The following CHST1 variants were observed in gnomAD, a reference collection of about 807,000 sequenced individuals.
CHST1 encodes Keratan sulfotransferase.
CHST1 carries 10 observed loss-of-function variants against 22.5 expected under a neutral mutation model. The observed-to-expected ratio is 0.44, with a 90% CI of 0.27 to 0.75. The LOEUF is 0.75. CHST1 is among the 30% of genes least tolerant of loss of function. The pLI is 0.15. For missense variants in CHST1, 439 were observed against 576.1 expected, an observed-to-expected ratio of 0.76 and a Z score of 2.44; for synonymous variants, 267 against 264.5, an observed-to-expected ratio of 1.01 and a Z score of -0.09.
chr11:45,657,572 G>A (rs1021871315), intron 1 of CHST1, among the ~76,000 whole-genome samples: 6 of 152,166 alleles, frequency 3.9e-5, no homozygotes, highest in African/African-American at 9.7e-5. Context: ...CCATGAACTC[G>A]TCCTCAAGAC....
At chr11:45,654,567 T>C (rs1336701050) in intron 1 of CHST1, among the ~76,000 whole-genome samples, 2 of 152,256 alleles carry the variant, frequency 1.3e-5, no homozygotes, top group African/African-American at 4.8e-5. Flanking sequence ...CCAGGTCCTG[T>C]TGTTCCCAAG....
chr11:45,652,631 C>T (rs1012727982), intron 1 of CHST1, 25 bp from the exon 2 acceptor site: 13 of 152,184 alleles, frequency 8.5e-5, no homozygotes, highest in African/African-American at 2.4e-4. Context: ...GAAAGTGGAC[C>T]AGGGAGCATT....
chr11:45,650,450 C>A lies in CHST1; in HGVS notation c.474G>T (p.Arg158=). Residue 158 remains arginine (R), a synonymous_variant, in exon 4 of 4, where the codon CGG becomes CGT. Coordinates refer to ENST00000308064, the MANE Select transcript of CHST1 (RefSeq NM_003654.6). ...TDRIFRRGAS[R]VLCSRPVCDP... is the part of the protein sequence containing the mutation. ...CGCACACAGGCCGGGAGCAGAGGAC[C>A]CGGCTGGCCCCGCGGCGGAAGATCC... is the stretch of plus-strand genomic sequence containing the variant. 1 of 1,611,628 alleles carries A rather than the reference C, an allele frequency of 6.2e-7. No individual in the cohort carries two copies. The highest frequency in any genetic ancestry group is 1.7e-5 in the Admixed American group (1 of 60,012).
Position 45,650,015 on chromosome 11 carries a change from C to T in CHST1, c.909G>A (p.Glu303=). Residue 303 remains glutamate (E), a synonymous_variant, in exon 4 of 4, where the codon GAG becomes GAA. Coordinates refer to ENST00000308064, the MANE Select transcript of CHST1 (RefSeq NM_003654.6). ...TCTTCATAGGGTTCCGAGCCAGGTC[C>T]TCGTAGCGCACCAACATGTACTTGC... is the stretch of plus-strand genomic sequence containing the variant. ...LKGKYMLVRY[E]DLARNPMKKT... The T allele has an allele frequency of 6.2e-7, 1 of 1,614,074 alleles. No individual in the cohort carries two copies. Among genetic ancestry groups the T allele is most frequent in the Non-Finnish European group, 8.5e-7 (1 of 1,180,022 alleles).
intron 3 of CHST1, 21 bp from the exon 4 acceptor site, chr11:45,650,986 CG>C (rs1851991855): frequency 6.7e-7 from 1 of 1,490,256 alleles, no homozygotes; most frequent in Non-Finnish European, 8.9e-7. Context: ...AGGCGGCCAG[CG>C]GTCAGGTGCC....
intron 1 of CHST1, among the ~76,000 whole-genome samples, chr11:45,655,266 T>C (rs1284241755): frequency 6.6e-6 from 1 of 152,214 alleles, no homozygotes; most frequent in Non-Finnish European, 1.5e-5. Context: ...ATTAATATCA[T>C]CATCACCAAA....
In CHST1 at chr11:45,649,787, C is replaced by A; in HGVS notation, c.1137G>T (p.Val379=). 6.2e-7 allele frequency: 1 copy of A among 1,611,936 alleles called. No homozygotes were observed. Reference sequence around the variant, plus strand: ...CGATCTTGTAGCCCAGCTGGGCCAGCACCTGCTGGCAGGCGTTCTGGGCAA... The same window carrying A: ...CGATCTTGTAGCCCAGCTGGGCCAGAACCTGCTGGCAGGCGTTCTGGGCAA... The part of the protein sequence containing the change: ...VAFAQNACQQ[V]LAQLGYKIAA... Residue 379 remains valine (V), a synonymous_variant, in exon 4 of 4, where the codon GTG becomes GTT. Coordinates refer to ENST00000308064, the MANE Select transcript of CHST1 (RefSeq NM_003654.6).
chr11:45,662,727 G>A (rs543983170), intron 1 of CHST1, among the ~76,000 whole-genome samples: 14 of 152,192 alleles, frequency 9.2e-5, no homozygotes, highest in Non-Finnish European at 1.8e-4. Flanking sequence ...TCCATTTACA[G>A]AGGGGAAAAC....
At chr11:45,651,126 G>A (rs557132462) in intron 3 of CHST1, 161 bp from the exon 4 acceptor site, 18 of 461,638 alleles carry the variant, frequency 3.9e-5, no homozygotes, top group African/African-American at 1.2e-4. Context: ...CTAGACTACC[G>A]TTCTCTGGGG....
rs975616886 is a variant in CHST1 at position 45,648,025 on chromosome 11, A to G, written c.*1663T>C. Among the ~76,000 whole-genome samples the G allele has an allele frequency of 5.9e-5, 9 of 152,200 alleles. No individual in the cohort carries two copies. The highest frequency in any genetic ancestry group is 1.2e-4 in the Non-Finnish European group (8 of 68,036). On this transcript the variant is annotated 3_prime_UTR_variant, in exon 4 of 4. Coordinates refer to ENST00000308064, the MANE Select transcript of CHST1 (RefSeq NM_003654.6). ...CCCCAGGGGCAGGTTTTCTTGGAAT[A>G]AGAGCTGGGGAAGCTGCCTGGAGCA...
At chr11:45,659,823 C>G (rs1391222908) in intron 1 of CHST1, among the ~76,000 whole-genome samples, 1 of 152,212 alleles carries the variant, frequency 6.6e-6, no homozygotes, top group East Asian at 1.9e-4. Context: ...TTATTACCAT[C>G]TGGCCTGAAA....
At chr11:45,663,539 G>A (rs973654950) in intron 1 of CHST1, among the ~76,000 whole-genome samples, 3 of 152,198 alleles carry the variant, frequency 2.0e-5, no homozygotes, top group South Asian at 2.1e-4. Context: ...GGGAAAATGC[G>A]TTTCTGCTTT....
intron 1 of CHST1, among the ~76,000 whole-genome samples, chr11:45,653,542 T>C (rs1488241068): frequency 6.6e-6 from 1 of 152,148 alleles, no homozygotes; most frequent in Non-Finnish European, 1.5e-5. Flanking sequence ...CCCCTGCAAG[T>C]GCAGGCCTGC....
At chr11:45,661,138 C>T (rs747642943) in intron 1 of CHST1, among the ~76,000 whole-genome samples, 6 of 152,176 alleles carry the variant, frequency 3.9e-5, no homozygotes, top group South Asian at 4.1e-4. Flanking sequence ...TTTGATACAG[C>T]GCCTCGAGTA....
chr11:45,664,780 T>C (rs1852176493), intron 1 of CHST1, among the ~76,000 whole-genome samples: 1 of 152,096 alleles, frequency 6.6e-6, no homozygotes, highest in South Asian at 2.1e-4. Flanking sequence ...TTTGGAAAGT[T>C]GGTGCGGGCG....
In CHST1 at chr11:45,656,031, G is replaced by T. The variant is rs540878571; in HGVS notation, c.-226-3425C>A. Among the ~76,000 whole-genome samples, 23 of 152,334 alleles carry T rather than the reference G, an allele frequency of 1.5e-4. 1 individual carries two copies. In the South Asian group the frequency reaches 4.8e-3, roughly 32 times the overall value. On this transcript the variant is annotated intron_variant, in intron 1 of 3. Coordinates refer to ENST00000308064, the MANE Select transcript of CHST1 (RefSeq NM_003654.6). ...TCGGCCTGATCTGTGGCAGCGCCAG[G>T]GGGTGGCGGCCCTAGAACCTAGCGG...
intron 3 of CHST1, 70 bp from the exon 4 acceptor site, chr11:45,651,035 C>G (rs113452160): frequency 8.4e-7 from 1 of 1,194,586 alleles, no homozygotes; most frequent in Non-Finnish European, 1.1e-6. Context: ...TTGGAAGAGC[C>G]GGTCTCCAAG....
chr11:45,650,042 C>T lies in CHST1; in HGVS notation c.882G>A (p.Lys294=). Residue 294 remains lysine, a synonymous_variant, in exon 4 of 4, where the codon AAG becomes AAA. Transcript: ENST00000308064. ...STGLMRPPWL[K]GKYMLVRYED... ...CGTAGCGCACCAACATGTACTTGCC[C>T]TTGAGCCACGGGGGCCGCATGAGGC... 1.2e-6 allele frequency: 2 copies of T among 1,614,122 alleles called. No homozygotes were observed. Among genetic ancestry groups the T allele is most frequent in the Admixed American group, 1.7e-5 (1 of 60,038 alleles).
rs937337582 is a variant in CHST1, at chr11:45,648,650, C to T, written c.*1038G>A. ...AGGTTGCAGTGAGCCGAGATGGCGC[C>T]ATTGCACTCCAGCCTGGGTGACAGA... On this transcript the variant is annotated 3_prime_UTR_variant, in exon 4 of 4. Transcript: ENST00000308064. 6.6e-6 allele frequency among the ~76,000 whole-genome samples: 1 copy of T among 152,170 alleles called. No individual in the cohort carries two copies. The highest frequency in any genetic ancestry group is 2.4e-5 in the African/African-American group (1 of 41,440).
Sources: gnomAD v4.1 joint callset for allele counts (sites outside exome capture counted in the v4.1 genomes callset) on GRCh38, gnomAD v4.1.1 for gene constraint, MANE v1.5 for transcripts, NCBI Gene and HGNC (gene_info 2026-07-23, HGNC 2026-07-21) for gene names.